MRPL37: variants seen among roughly 807,000 people sequenced by gnomAD.
MRPL37 encodes large ribosomal subunit protein mL37.
MRPL37 carries 34 observed loss-of-function variants against 44.1 expected under a neutral mutation model. The observed-to-expected ratio is 0.77, with a 90% CI of 0.59 to 1.03. The LOEUF is 1.03. MRPL37 is among the 50% of genes least tolerant of loss of function. The pLI is 0.00. For missense variants in MRPL37, 532 were observed against 543.7 expected, an observed-to-expected ratio of 0.98 and a Z score of 0.21; for synonymous variants, 212 against 219.5, an observed-to-expected ratio of 0.97 and a Z score of 0.30.
At chr1:54,209,584 C>T (rs763638902) in intron 3 of MRPL37, among the ~76,000 whole-genome samples, 2 of 151,900 alleles carry the variant, frequency 1.3e-5, no homozygotes, top group African/African-American at 2.4e-5. Context: ...CTCAGCCTCC[C>T]GAGTAGCTGG....
At chr1:54,207,031 C>T (rs888302398) in intron 3 of MRPL37, among the ~76,000 whole-genome samples, 6 of 152,164 alleles carry the variant, frequency 3.9e-5, no homozygotes, top group East Asian at 1.9e-4. Context: ...GGAATACAGG[C>T]GTGAGCCACC....
In MRPL37 at chr1:54,204,539, G is replaced by A. The variant is rs576903215; in HGVS notation, c.347-479G>A. 7.9e-5 allele frequency among the ~76,000 whole-genome samples: 12 copies of A among 152,310 alleles called. No individual in the cohort carries two copies. The South Asian group carries it at 2.3e-3, about 29-fold the overall frequency. On this transcript the variant is annotated intron_variant, in intron 1 of 6. Transcript: ENST00000360840. ...ATTTCCAAAGGTTCCTTTCCCTTGAGAAGGCAGCATGGGCTTATGCCTAGA... is the reference window on the plus strand; with the variant it reads ...ATTTCCAAAGGTTCCTTTCCCTTGAAAAGGCAGCATGGGCTTATGCCTAGA...
At chr1:54,219,378 G>A (rs1285568017), downstream of MRPL37, among the ~76,000 whole-genome samples, 2 of 152,240 alleles carry the variant, frequency 1.3e-5, no homozygotes, top group South Asian at 4.1e-4. Context: ...CTGCCTCCCA[G>A]GCTTGGGCTC....
intron 5 of MRPL37, among the ~76,000 whole-genome samples, chr1:54,213,087 G>A (rs895010018): frequency 2.6e-5 from 4 of 152,186 alleles, no homozygotes; most frequent in Non-Finnish European, 5.9e-5. Flanking sequence ...AGGAAGTGGA[G>A]CAATAGAGAT....
At chr1:54,211,490 C>CTA (rs1553179379) in intron 4 of MRPL37, among the ~76,000 whole-genome samples, 1 of 148,790 alleles carries the variant, frequency 6.7e-6, no homozygotes, top group Non-Finnish European at 1.5e-5. Context: ...TTCCTAGCCT[C>CTA]TTTTTTTTTT....
intron 1 of MRPL37, 76 bp downstream of exon 1, chr1:54,200,665 C>T: frequency 6.9e-7 from 1 of 1,455,950 alleles, no homozygotes; most frequent in East Asian, 2.3e-5. Flanking sequence ...TGGCTTTGGG[C>T]AAGACATTGA....
downstream of MRPL37, chr1:54,225,161 T>C (rs1644268210): frequency 8.1e-7 from 1 of 1,234,382 alleles, no homozygotes; most frequent in East Asian, 3.2e-5. Flanking sequence ...AAAATGTGTT[T>C]GCAAGACAAG....
downstream of MRPL37, among the ~76,000 whole-genome samples, chr1:54,223,237 C>G (rs920890891): frequency 2.0e-5 from 3 of 152,218 alleles, no homozygotes; most frequent in Non-Finnish European, 4.4e-5. Context: ...CAACGCTCAT[C>G]CGCCTGTAAC....
chr1:54,209,917 G>A (rs774361382), intron 3 of MRPL37, 29 bp from the exon 4 acceptor site: 3 of 1,611,250 alleles, frequency 1.9e-6, no homozygotes, highest in Admixed American at 1.7e-5. Flanking sequence ...TTAGTACCAG[G>A]TTAGAGTAAC....
At chr1:54,224,796 C>T (rs371252195), downstream of MRPL37, among the ~76,000 whole-genome samples, 67 of 152,288 alleles carry the variant, frequency 4.4e-4, no homozygotes, top group South Asian at 0.013. Context: ...GCCTAAATGT[C>T]GTCTGGGAAT....
chr1:54,205,863 G>T (rs960418420), intron 3 of MRPL37, among the ~76,000 whole-genome samples: 12 of 152,092 alleles, frequency 7.9e-5, no homozygotes, highest in African/African-American at 2.9e-4. Context: ...CCCTGTTTCA[G>T]ATCCTTCACT....
At chr1:54,225,280 A>C (rs1644269352), downstream of MRPL37, 7 of 1,234,268 alleles carry the variant, frequency 5.7e-6, no homozygotes, top group Non-Finnish European at 6.1e-6. Flanking sequence ...AGAACACAGA[A>C]TTTGCAGGCC....
At chr1:54,211,260 A>C (rs983080747) in intron 4 of MRPL37, among the ~76,000 whole-genome samples, 1 of 151,988 alleles carries the variant, frequency 6.6e-6, no homozygotes, top group Non-Finnish European at 1.5e-5. Context: ...ATGTCCCTCC[A>C]TACAGATATG....
At chr1:54,206,189 T>C (rs1043221781) in intron 3 of MRPL37, among the ~76,000 whole-genome samples, 1 of 152,276 alleles carries the variant, frequency 6.6e-6, no homozygotes, top group South Asian at 2.1e-4. Flanking sequence ...CTCAGCTTAC[T>C]GCAAGCTCCA....
intron 5 of MRPL37, among the ~76,000 whole-genome samples, chr1:54,214,412 G>A (rs1376279982): frequency 6.6e-6 from 1 of 152,120 alleles, no homozygotes; most frequent in East Asian, 1.9e-4. Context: ...TCCAATCCTA[G>A]GACAATTGTC....
At chr1:54,212,381 C>T (rs911877741) in intron 4 of MRPL37, 120 bp from the exon 5 acceptor site, 1 of 1,220,932 alleles carries the variant, frequency 8.2e-7, no homozygotes, top group African/African-American at 1.5e-5. Flanking sequence ...TGATAGTATC[C>T]ACCTTTGTTG....
At chr1:54,214,940 G>A (rs1234397667) in intron 5 of MRPL37, among the ~76,000 whole-genome samples, 1 of 152,168 alleles carries the variant, frequency 6.6e-6, no homozygotes, top group African/African-American at 2.4e-5. Flanking sequence ...AAGGCCAACA[G>A]CCCCAGTGTG....
At chr1:54,206,056 C>G (rs1441240231) in intron 3 of MRPL37, among the ~76,000 whole-genome samples, 1 of 152,108 alleles carries the variant, frequency 6.6e-6, no homozygotes, top group Non-Finnish European at 1.5e-5. Flanking sequence ...TGCATTCTGT[C>G]TGGAATACTC....
In MRPL37 at chr1:54,205,332, T is replaced by A; in HGVS notation, c.568T>A (p.Ser190Thr). The A allele has an allele frequency of 6.2e-7, 1 of 1,614,120 alleles. No individual in the cohort carries two copies. The highest frequency in any genetic ancestry group is 8.5e-7 in the Non-Finnish European group (1 of 1,180,006). ...IVDNLIQLCK[S>T]QILKHPSLAR... ...GGACAACCTAATACAGCTGTGTAAA[T>A]CTCAGATTCTCAAGCATCCTTCTCT... is the stretch of plus-strand genomic sequence containing the variant. The change falls in exon 3 of 7, where the codon TCT becomes ACT. Residue 190 changes from serine (S) to threonine (T), a missense_variant. Ser to Thr is a moderately conservative substitution (Grantham distance 58). Transcript: ENST00000360840.
Sources: allele counts gnomAD v4.1 joint callset (sites outside exome capture counted in the v4.1 genomes callset), GRCh38; gene constraint gnomAD v4.1.1; transcripts MANE v1.5; gene names NCBI Gene and HGNC (gene_info 2026-07-23, HGNC 2026-07-21).